Variants in C6 observed in about 807,000 individuals in gnomAD.
The protein encoded by C6 is complement C6.
C6 carries 101 observed loss-of-function variants against 112.9 expected under a neutral mutation model. That is an observed-to-expected ratio of 0.89 (90% CI 0.76 to 1.06). The LOEUF (loss-of-function observed/expected upper bound fraction) is 1.06. Ranked by LOEUF, C6 falls within the 50% of genes least tolerant of loss-of-function variation. The probability of loss-of-function intolerance (pLI) is 0.00; values close to 1 mark genes in which losing one functional copy is unlikely to be tolerated. For synonymous variants in C6, 431 were observed against 384.1 expected (o/e 1.12, Z -1.43); for missense variants, 1,202 against 1,104.6 (o/e 1.09, Z -1.25).
At chr5:41,228,901 A>G (rs1173360113) in intron 1 of C6, among the ~76,000 whole-genome samples, 2 of 152,180 alleles carry the variant, frequency 1.3e-5, no homozygotes, top group Non-Finnish European at 2.9e-5. Context: ...TTCCACAGGA[A>G]TATTGACCTG....
At chr5:41,234,369 T>TTG (rs200816062) in intron 1 of C6, among the ~76,000 whole-genome samples, 8,211 of 150,320 alleles carry the variant, frequency 0.055, 294 homozygotes, top group African/African-American at 0.096. Context: ...TTTTTGTTTT[T>TTG]TTTTTTTGCT....
At chr5:41,224,386 A>T (rs986860642) in intron 1 of C6, among the ~76,000 whole-genome samples, 1 of 152,190 alleles carries the variant, frequency 6.6e-6, no homozygotes, top group African/African-American at 2.4e-5. Context: ...TGAACCCATT[A>T]GCAGCCACTC....
intron 1 of C6, among the ~76,000 whole-genome samples, chr5:41,207,302 G>C (rs139162729): frequency 0.025 from 3,814 of 152,234 alleles, 160 homozygotes; most frequent in African/African-American, 0.088. Context: ...ATCAATGCTA[G>C]GAAGAAACTG....
Position 41,245,267 on chromosome 5 carries a change from C to T in C6, c.-21+15927G>A, listed in dbSNP as rs374843736. On this transcript the variant is annotated intron_variant, in intron 1 of 17. Coordinates refer to the C6 transcript ENST00000263413. ...TTTAACAGCCATGTGTGGTGGCTCA[C>T]GCCTGTAATCCCAGCACTTTGGGAG... is the stretch of plus-strand genomic sequence containing the variant. Among the ~76,000 whole-genome samples, 8 of 152,254 alleles carry T rather than the reference C, an allele frequency of 5.3e-5. No homozygotes were observed. The East Asian group carries it at 1.2e-3, about 22-fold the overall frequency.
intron 1 of C6, among the ~76,000 whole-genome samples, chr5:41,228,009 C>T (rs1739631061): frequency 6.6e-6 from 1 of 152,040 alleles, no homozygotes; most frequent in South Asian, 2.1e-4. Flanking sequence ...GTGAAGAATG[C>T]CATTATGATT....
chr5:41,244,617 A>G (rs1001870563), intron 1 of C6, among the ~76,000 whole-genome samples: 4 of 152,108 alleles, frequency 2.6e-5, no homozygotes, highest in African/African-American at 4.8e-5. Flanking sequence ...TGTGTCTATG[A>G]CCCTCCAGAA....
chr5:41,236,955 G>T (rs1276846430), intron 1 of C6, among the ~76,000 whole-genome samples: 1 of 151,608 alleles, frequency 6.6e-6, no homozygotes, highest in Non-Finnish European at 1.5e-5. Context: ...ACACCTCTAT[G>T]CAAATAAACT....
chr5:41,203,056 A>G (rs756154318), intron 2 of C6, 32 bp downstream of exon 2: 3 of 1,612,358 alleles, frequency 1.9e-6, no homozygotes, highest in Admixed American at 1.7e-5. Context: ...TCCTTCCAGG[A>G]CACAAAGAAA....
chr5:41,171,413 C>G (rs1580104388), intron 9 of C6, among the ~76,000 whole-genome samples: 1 of 152,072 alleles, frequency 6.6e-6, no homozygotes. Flanking sequence ...CACAACAGTC[C>G]TACTGGGCTA....
rs766219748 is a variant in C6, at chr5:41,160,288, T to C, written c.1538A>G (p.Glu513Gly). 5.0e-6 allele frequency: 8 copies of C among 1,613,738 alleles called. No homozygotes were observed. Among genetic ancestry groups the C allele is most frequent in the Non-Finnish European group, 6.8e-6 (8 of 1,179,844 alleles). The stretch of plus-strand genomic sequence containing the variant: ...GCAAGGATCGAACTTGGCTGCATAC[T>C]CTTGCAAAGCTTTCCTGAGGTTGTT... ...KRNNLRKALQ[E>G]YAAKFDPCQC... The change falls in exon 11 of 18, where the codon GAG becomes GGG. Residue 513 changes from glutamate (E) to glycine (G), a missense_variant. Glu to Gly is a moderately conservative substitution (Grantham distance 98, BLOSUM62 -2). Coordinates refer to ENST00000337836, the MANE Select transcript of C6 (RefSeq NM_000065.5).
intron 1 of C6, among the ~76,000 whole-genome samples, chr5:41,232,834 T>C (rs1739994476): frequency 1.3e-5 from 2 of 151,988 alleles, no homozygotes; most frequent in Non-Finnish European, 2.9e-5. Flanking sequence ...TATTGTGTTG[T>C]CATGTTTCTT....
rs750740548 is a variant in C6 at position 41,153,840 on chromosome 5, G to A, written c.2260C>T (p.Pro754Ser). 5.0e-6 allele frequency: 8 copies of A among 1,613,312 alleles called. No homozygotes were observed. In the South Asian group the frequency reaches 7.7e-5, roughly 16 times the overall value. Residue 754 changes from proline (P) to serine (S), a missense_variant, in exon 15 of 18, where the codon CCC (proline) becomes TCC (serine). Transcript: ENST00000337836. ...YTCQGNSWTP[P>S]ISNSLTCEKD... ...TCACAGGTGAGAGAGTTTGAAATGGGTGGTGTCCAGGAATTCCCCTGGCAT... is the reference window on the plus strand; with the variant it reads ...TCACAGGTGAGAGAGTTTGAAATGGATGGTGTCCAGGAATTCCCCTGGCAT...
At chr5:41,172,113 G>T (rs1344434901) in intron 9 of C6, 112 bp downstream of exon 9, 3 of 1,103,044 alleles carry the variant, frequency 2.7e-6, no homozygotes, top group Middle Eastern at 2.1e-4. Flanking sequence ...CTGAGGAAGA[G>T]AAATGAAATA....
intron 10 of C6, among the ~76,000 whole-genome samples, chr5:41,161,291 T>TA (rs1215218304): frequency 6.6e-6 from 1 of 152,190 alleles, no homozygotes; most frequent in African/African-American, 2.4e-5. Flanking sequence ...GAAATGGATC[T>TA]AAAATCTCAT....
intron 10 of C6, among the ~76,000 whole-genome samples, chr5:41,161,207 C>A (rs1385584358): frequency 6.6e-6 from 1 of 152,010 alleles, no homozygotes; most frequent in African/African-American, 2.4e-5. Context: ...GTAAAGTATT[C>A]CATAAATAAT....
At chr5:41,185,802 A>G (rs1580140688) in intron 6 of C6, among the ~76,000 whole-genome samples, 1 of 152,226 alleles carries the variant, frequency 6.6e-6, no homozygotes, top group East Asian at 1.9e-4. Flanking sequence ...CATGGACTCG[A>G]ATCAGGAAAA....
Position 41,160,242 on chromosome 5 carries a change from A to G in C6, c.1584T>C (p.Asn528=). The change falls in exon 11 of 18, where the codon AAT becomes AAC. Residue 528 remains asparagine (N), a synonymous_variant. Coordinates refer to ENST00000337836, the MANE Select transcript of C6 (RefSeq NM_000065.5). ...FDPCQCAPCP[N]NGRPTLSGTE... ...TCCCTGAGAGGGTGGGTCGGCCATT[A>G]TTAGGGCATGGAGCACACTGGCAAG... 1 of 1,613,914 alleles carries G rather than the reference A, an allele frequency of 6.2e-7. No homozygotes were observed. Among genetic ancestry groups the G allele is most frequent in the Non-Finnish European group, 8.5e-7 (1 of 1,179,862 alleles).
chr5:41,175,496 A>G (rs1479448477), intron 8 of C6, among the ~76,000 whole-genome samples: 2 of 152,270 alleles, frequency 1.3e-5, no homozygotes, highest in East Asian at 1.9e-4. Flanking sequence ...AGAGAAAGAG[A>G]TGGAATGTGA....
Position 41,172,220 on chromosome 5 carries a change from G to C in C6, c.1291+5C>G, listed in dbSNP as rs1748479387. Reference sequence around the variant, plus strand: ...GGATAAGCTGCTAAGAGAGAGTACTGTTACCTTCATGTTTCTCTGACAGCT... The same window carrying C: ...GGATAAGCTGCTAAGAGAGAGTACTCTTACCTTCATGTTTCTCTGACAGCT... On this transcript the variant is annotated splice_donor_5th_base_variant and intron_variant, in intron 9 of 17. Coordinates refer to ENST00000337836, the MANE Select transcript of C6 (RefSeq NM_000065.5). 1 of 1,613,712 alleles carries C rather than the reference G, an allele frequency of 6.2e-7. No homozygotes were observed. Among genetic ancestry groups the C allele is most frequent in the African/African-American group, 1.3e-5 (1 of 75,018 alleles).
Sources: allele counts gnomAD v4.1 joint callset (sites outside exome capture counted in the v4.1 genomes callset), GRCh38; gene constraint gnomAD v4.1.1; transcripts MANE v1.5; gene names NCBI Gene and HGNC (gene_info 2026-07-23, HGNC 2026-07-21).